The following RMST variants were observed in gnomAD, a reference collection of about 807,000 sequenced individuals.
RMST encodes long intergenic non-protein coding RNA 54.
chr12:97,501,259 C>T (rs952610255), intron 10 of RMST, among the ~76,000 whole-genome samples: 1 of 152,148 alleles, frequency 6.6e-6, no homozygotes, highest in Non-Finnish European at 1.5e-5. Context: ...CACAGTTAAA[C>T]GTTAAAAGTC....
chr12:97,522,040 T>C (rs543477971), intron 10 of RMST, among the ~76,000 whole-genome samples: 1 of 152,340 alleles, frequency 6.6e-6, no homozygotes, highest in Admixed American at 6.5e-5. Flanking sequence ...TTGTGCTACT[T>C]GTACTTGTGA....
chr12:97,506,180 C>T lies in RMST; in HGVS notation n.1340+10124C>T, dbSNP rs139469610. On this transcript the variant is annotated intron_variant and non_coding_transcript_variant, in intron 10 of 13. Transcript: ENST00000640149. Reference sequence around the variant, plus strand: ...TTTATATTACAGTACAATTAAAAGGCGTTTATTAGCATCAAACTATCTTTT... The same window carrying T: ...TTTATATTACAGTACAATTAAAAGGTGTTTATTAGCATCAAACTATCTTTT... Among the ~76,000 whole-genome samples the T allele has an allele frequency of 9.6e-3, 1,362 of 142,262 alleles. 17 individuals carry two copies. Among genetic ancestry groups the T allele is most frequent in the African/African-American group, 0.039 (1,287 of 33,184 alleles). The allele number at this position is 142,262 out of a possible 152,430, so 93.3% of individuals were successfully genotyped here. A position where few individuals can be genotyped will look rare whatever the true frequency, so the allele number is the denominator to read the frequency against.
chr12:97,466,973 A>G (rs375237631), intron 5 of RMST, among the ~76,000 whole-genome samples: 1 of 152,182 alleles, frequency 6.6e-6, no homozygotes, highest in East Asian at 1.9e-4. Flanking sequence ...AATATTTGAT[A>G]TGATAGTTTG....
intron 10 of RMST, among the ~76,000 whole-genome samples, chr12:97,499,312 A>G (rs1045752313): frequency 2.0e-5 from 3 of 151,670 alleles, no homozygotes; most frequent in African/African-American, 7.3e-5. Context: ...TCTTTCAGAG[A>G]TCTGTATTCA....
rs537840796 is a variant in RMST at position 97,524,075 on chromosome 12, C to CAAAAAAAAAAA, written n.1341-6562_1341-6552dup. ...TGGGCAACAGAGTGAGACTCTGTCT[C>CAAAAAAAAAAA]AAAAAAAAAAAAAAAAAAAAAAAAA... is the stretch of plus-strand genomic sequence containing the variant. On this transcript the variant is annotated intron_variant and non_coding_transcript_variant, in intron 10 of 13. Transcript: ENST00000640149. Among the ~76,000 whole-genome samples the CAAAAAAAAAAA allele has an allele frequency of 1.5e-3, 85 of 56,122 alleles. 7 individuals are homozygous for CAAAAAAAAAAA. The highest frequency in any genetic ancestry group is 6.0e-3 in the African/African-American group (78 of 12,968). The allele number at this position is 56,122 out of a possible 152,430, so 36.8% of individuals were successfully genotyped here.
chr12:97,536,196 G>GC (rs1882063190), intron 11 of RMST, among the ~76,000 whole-genome samples: 1 of 150,996 alleles, frequency 6.6e-6, no homozygotes, highest in Non-Finnish European at 1.5e-5. Context: ...AATTGTTTAT[G>GC]ACAAATGCAT....
chr12:97,545,554 T>G (rs557861519), intron 11 of RMST, among the ~76,000 whole-genome samples: 1 of 152,200 alleles, frequency 6.6e-6, no homozygotes, highest in East Asian at 1.9e-4. Context: ...GAATATTCTC[T>G]CCTGTATCTC....
chr12:97,471,252 T>G (rs1215019714), intron 5 of RMST, among the ~76,000 whole-genome samples: 1 of 152,110 alleles, frequency 6.6e-6, no homozygotes, highest in East Asian at 1.9e-4. Context: ...TACTTTTGCA[T>G]AATATATGTG....
At chr12:97,474,451 A>G (rs1874289899) in intron 5 of RMST, among the ~76,000 whole-genome samples, 1 of 152,048 alleles carries the variant, frequency 6.6e-6, no homozygotes, top group Non-Finnish European at 1.5e-5. Flanking sequence ...AACTCCATGC[A>G]ATGTAAAAGA....
intron 5 of RMST, among the ~76,000 whole-genome samples, chr12:97,482,000 A>G (rs1875352553): frequency 6.6e-6 from 1 of 152,190 alleles, no homozygotes; most frequent in African/African-American, 2.4e-5. Flanking sequence ...TTTTTAATTT[A>G]AATTCCCTCA....
chr12:97,503,435 ATTGT>A (rs887966469), intron 10 of RMST, among the ~76,000 whole-genome samples: 3 of 150,212 alleles, frequency 2.0e-5, no homozygotes, highest in Admixed American at 2.0e-4. Context: ...CCTTTCTATT[ATTGT>A]TTATTTTTTT....
At chr12:97,505,452 A>G (rs1197351912) in intron 10 of RMST, among the ~76,000 whole-genome samples, 1 of 152,230 alleles carries the variant, frequency 6.6e-6, no homozygotes, top group African/African-American at 2.4e-5. Flanking sequence ...CAAAGACTGA[A>G]CAGGTTTACA....
chr12:97,492,420 G>C (rs1876945488), intron 5 of RMST: 2 of 156,258 alleles, frequency 1.3e-5, no homozygotes, highest in African/African-American at 4.8e-5. Context: ...TTATTTGTTT[G>C]CTTGTTGTTT....
chr12:97,472,603 C>T (rs1269795027), intron 5 of RMST, among the ~76,000 whole-genome samples: 2 of 152,092 alleles, frequency 1.3e-5, no homozygotes, highest in East Asian at 3.8e-4. Context: ...CTCCTCCAGT[C>T]AATTATCTCT....
chr12:97,494,177 G>A (rs1219697203), intron 8 of RMST, among the ~76,000 whole-genome samples: 1 of 152,154 alleles, frequency 6.6e-6, no homozygotes, highest in African/African-American at 2.4e-5. Flanking sequence ...GTAGCATTTG[G>A]TTGTTCTATC....
At chr12:97,512,418 C>A (rs554153135) in intron 10 of RMST, among the ~76,000 whole-genome samples, 2 of 152,300 alleles carry the variant, frequency 1.3e-5, no homozygotes, top group South Asian at 4.1e-4. Flanking sequence ...CTTTTATTCT[C>A]TTATCTGGCC....
chr12:97,479,677 T>C (rs914039990), intron 5 of RMST, among the ~76,000 whole-genome samples: 8 of 152,172 alleles, frequency 5.3e-5, no homozygotes, highest in Admixed American at 3.3e-4. Context: ...TCTTTTTGCC[T>C]CCTTCCTGGA....
At chr12:97,516,430 G>A (rs766415659) in intron 10 of RMST, among the ~76,000 whole-genome samples, 3 of 151,928 alleles carry the variant, frequency 2.0e-5, no homozygotes, top group Non-Finnish European at 4.4e-5. Context: ...TCATTTCCCT[G>A]TAACATACAC....
At chr12:97,507,287 TAA>T (rs143392654) in intron 10 of RMST, among the ~76,000 whole-genome samples, 3,581 of 145,410 alleles carry the variant, frequency 0.025, 139 homozygotes, top group African/African-American at 0.088. Flanking sequence ...TTTTTTTTTT[TAA>T]AAAAAAAAAG....
Sources: allele counts gnomAD v4.1 joint callset (sites outside exome capture counted in the v4.1 genomes callset), GRCh38; gene constraint gnomAD v4.1.1; transcripts MANE v1.5; gene names NCBI Gene and HGNC (gene_info 2026-07-23, HGNC 2026-07-21).